PCDHGA11: variants seen among roughly 807,000 people sequenced by gnomAD.
PCDHGA11 encodes the protein protocadherin gamma subfamily A, 11.
Under a neutral mutation model 60.4 loss-of-function variants are expected in PCDHGA11, and 39 were observed. The ratio of observed to expected loss-of-function variants is 0.65; its 90% confidence interval spans 0.50 to 0.84. The LOEUF is 0.84. PCDHGA11 is among the 40% of genes least tolerant of loss of function. The pLI, the probability that PCDHGA11 is intolerant of heterozygous loss-of-function variation, is 0.00. For missense variants in PCDHGA11, 1,165 were observed against 1,197.7 expected, an observed-to-expected ratio of 0.97 and a Z score of 0.40; for synonymous variants, 533 against 510.3, an observed-to-expected ratio of 1.04 and a Z score of -0.60.
At chr5:141,438,627 TATATATATAC>T (rs572501359) in intron 1 of PCDHGA11, among the ~76,000 whole-genome samples, 778 of 47,938 alleles carry the variant, frequency 0.016, 4 homozygotes, top group East Asian at 0.059. Context: ...TATATATATA[TATATATATAC>T]ACACACACAC....
Position 141,487,323 on chromosome 5 carries a change from G to T in PCDHGA11, c.2434-7484G>T. The T allele has an allele frequency of 6.2e-7, 1 of 1,614,100 alleles. No homozygotes were observed. The highest frequency in any genetic ancestry group is 8.5e-7 in the Non-Finnish European group (1 of 1,180,004). On this transcript the variant is annotated intron_variant, in intron 1 of 3. Coordinates refer to ENST00000398587, the MANE Select transcript of PCDHGA11 (RefSeq NM_018914.3). This position sits in a 1 kb window ranked among gnomAD's most constrained non-coding sequence, Gnocchi z 5.0. ...GTGGCACTACTCTCTAAGTGTCTTC[G>T]TGGGGCAGCCTGTGGAGTCACATGC... is the stretch of plus-strand genomic sequence containing the variant.
At chr5:141,441,709 C>T in intron 1 of PCDHGA11, 1 of 321,306 alleles carries the variant, frequency 3.1e-6, no homozygotes, top group Non-Finnish European at 6.1e-6. Flanking sequence ...TTCAAGCTCA[C>T]GCTGCAGGCC....
intron 1 of PCDHGA11, chr5:141,424,024 C>T: frequency 9.6e-7 from 1 of 1,045,488 alleles, no homozygotes; most frequent in Non-Finnish European, 1.2e-6. Flanking sequence ...GATTCACAAA[C>T]ACTTTTTATT....
At chr5:141,510,366 T>A (rs1452829030) in intron 3 of PCDHGA11, among the ~76,000 whole-genome samples, 1 of 140,062 alleles carries the variant, frequency 7.1e-6, no homozygotes, top group Non-Finnish European at 1.6e-5. Context: ...AACTACCGAA[T>A]CTCTACTCGT....
chr5:141,499,037 G>A (rs912832519), intron 2 of PCDHGA11, among the ~76,000 whole-genome samples: 1 of 150,904 alleles, frequency 6.6e-6, no homozygotes, highest in South Asian at 2.1e-4. Context: ...AGAAAAGAAA[G>A]AAAAAGGGAG....
intron 1 of PCDHGA11, among the ~76,000 whole-genome samples, chr5:141,435,592 C>T (rs573084790): frequency 1.3e-5 from 2 of 152,060 alleles, no homozygotes; most frequent in African/African-American, 2.4e-5. Flanking sequence ...GCAGTAATAT[C>T]GCCTGCTTTT....
At chr5:141,457,094 C>T (rs2098908295) in intron 1 of PCDHGA11, among the ~76,000 whole-genome samples, 1 of 152,154 alleles carries the variant, frequency 6.6e-6, no homozygotes, top group Non-Finnish European at 1.5e-5. Context: ...TATAAGGATA[C>T]TAATTAAGCA....
chr5:141,430,926 C>A (rs145535410), intron 1 of PCDHGA11: 4 of 1,607,308 alleles, frequency 2.5e-6, no homozygotes, highest in African/African-American at 1.3e-5. Context: ...GGGCTGGAGC[C>A]CCGGGAGCTC....
intron 1 of PCDHGA11, among the ~76,000 whole-genome samples, chr5:141,457,975 C>T (rs2098934043): frequency 6.6e-6 from 1 of 152,202 alleles, no homozygotes; most frequent in South Asian, 2.1e-4. Context: ...AAGGGAAACA[C>T]ACCCTTTCAG....
At chr5:141,445,178 A>G (rs768321514) in intron 1 of PCDHGA11, among the ~76,000 whole-genome samples, 2 of 152,218 alleles carry the variant, frequency 1.3e-5, no homozygotes, top group Admixed American at 1.3e-4. Context: ...ATGAAAAACT[A>G]TGTTTTTATG....
At position 141,485,240 on chromosome 5, in the gene PCDHGA11, C is replaced by G; in HGVS notation, c.2434-9567C>G. On this transcript the variant is annotated intron_variant, in intron 1 of 3. Coordinates refer to ENST00000398587, the MANE Select transcript of PCDHGA11 (RefSeq NM_018914.3). This position sits in a 1 kb window ranked among gnomAD's most constrained non-coding sequence, Gnocchi z 5.7. The stretch of plus-strand genomic sequence containing the variant: ...GGCTACCCTTTTGTTCCTCTTTTAC[C>G]ACCTGGGTTACGTTTGTGGGCAGAT... The G allele has an allele frequency of 6.2e-7, 1 of 1,614,174 alleles. No individual in the cohort carries two copies. The highest frequency in any genetic ancestry group is 8.5e-7 in the Non-Finnish European group (1 of 1,180,024).
intron 1 of PCDHGA11, among the ~76,000 whole-genome samples, chr5:141,438,349 C>G (rs892834423): frequency 6.6e-6 from 1 of 151,762 alleles, no homozygotes; most frequent in Non-Finnish European, 1.5e-5. Flanking sequence ...AGGATCTACT[C>G]TGTGTATTGT....
rs771124496 is a variant in PCDHGA11, at chr5:141,489,457, C to A, written c.2434-5350C>A. The A allele has an allele frequency of 6.2e-7, 1 of 1,613,882 alleles. No homozygotes were observed. The highest frequency in any genetic ancestry group is 8.5e-7 in the Non-Finnish European group (1 of 1,179,984). ...GCAATTGGGCTCTGAGGAGAATGGG[C>A]GCTATTTTTCCCTGAGCTTGATGAG... On this transcript the variant is annotated intron_variant, in intron 1 of 3. Coordinates refer to ENST00000398587, the MANE Select transcript of PCDHGA11 (RefSeq NM_018914.3). This position sits in a 1 kb window ranked among gnomAD's most constrained non-coding sequence, Gnocchi z 4.5.
At position 141,421,508 on chromosome 5, in the gene PCDHGA11, A is replaced by C; in HGVS notation, c.281A>C (p.Glu94Ala). The C allele has an allele frequency of 6.2e-7, 1 of 1,614,046 alleles. No individual in the cohort carries two copies. Among genetic ancestry groups the C allele is most frequent in the Non-Finnish European group, 8.5e-7 (1 of 1,179,908 alleles). ...SLITAGRIDR[E>A]ELCETVSSCF... is the part of the protein sequence containing the mutation. ...ATCACGGCAGGCAGGATAGACCGGG[A>C]GGAGCTCTGTGAGACGGTGTCCTCC... The change falls in exon 1 of 4, where the codon GAG becomes GCG. Residue 94 changes from glutamate to alanine, a missense_variant. By Grantham distance (107) the Glu-to-Ala change is moderately radical (BLOSUM62 -1). Transcript: ENST00000398587.
chr5:141,505,591 G>C (rs2099846959), intron 3 of PCDHGA11, 110 bp downstream of exon 3: 2 of 1,570,280 alleles, frequency 1.3e-6, no homozygotes, highest in African/African-American at 2.7e-5. Flanking sequence ...AGTTTCTCCA[G>C]ATCTTTCGGC....
chr5:141,477,644 T>A lies in PCDHGA11; in HGVS notation c.2434-17163T>A. On this transcript the variant is annotated intron_variant, in intron 1 of 3. Coordinates refer to ENST00000398587, the MANE Select transcript of PCDHGA11 (RefSeq NM_018914.3). The surrounding 1 kb of genome is among the most constrained non-coding windows in gnomAD (Gnocchi z 4.9). ...TGAAACCGGGCTAGTGGGTCGCTAT[T>A]TCACAATAAATCGTGACAATGGCAT... The A allele has an allele frequency of 6.2e-7, 1 of 1,614,200 alleles. No homozygotes were observed. Among genetic ancestry groups the A allele is most frequent in the Non-Finnish European group, 8.5e-7 (1 of 1,180,036 alleles).
In PCDHGA11 at chr5:141,476,089, C is replaced by A; in HGVS notation, c.2434-18718C>A. 1 of 1,560,716 alleles carries A rather than the reference C, an allele frequency of 6.4e-7. No individual in the cohort carries two copies. The highest frequency in any genetic ancestry group is 8.6e-7 in the Non-Finnish European group (1 of 1,158,372). On this transcript the variant is annotated intron_variant, in intron 1 of 3. Coordinates refer to ENST00000398587, the MANE Select transcript of PCDHGA11 (RefSeq NM_018914.3). This position sits in a 1 kb window ranked among gnomAD's most constrained non-coding sequence, Gnocchi z 7.6. ...CGAAATCTCAGGGACGATCTGGACC[C>A]CGCTGAGAGGAACTGCTTTTGAGTG...
At chr5:141,445,268 C>A (rs2098461653) in intron 1 of PCDHGA11, among the ~76,000 whole-genome samples, 1 of 152,170 alleles carries the variant, frequency 6.6e-6, no homozygotes, top group Non-Finnish European at 1.5e-5. Flanking sequence ...TAAGTCGAAA[C>A]CACTCTGCAT....
intron 1 of PCDHGA11, among the ~76,000 whole-genome samples, chr5:141,437,093 C>T (rs1382920904): frequency 2.6e-5 from 4 of 152,136 alleles, no homozygotes; most frequent in East Asian, 1.9e-4. Flanking sequence ...TTGAAACTAA[C>T]GGCTTAGCTT....
Sources: gnomAD v4.1 joint callset for allele counts (sites outside exome capture counted in the v4.1 genomes callset) on GRCh38, gnomAD v4.1.1 for gene constraint, Gnocchi (gnomAD v3.1) non-coding constraint, MANE v1.5 for transcripts, NCBI Gene and HGNC (gene_info 2026-07-23, HGNC 2026-07-21) for gene names.